B3GALT5: variants seen among roughly 807,000 people sequenced by gnomAD.
B3GALT5 encodes the protein beta-1,3-galactosyltransferase 5, also known as UDP-Gal:betaGlcNAc beta 1,3-galactosyltransferase, polypeptide 5.
For missense variants in B3GALT5, 328 were observed against 396.6 expected (o/e 0.83, Z 1.47); for synonymous variants, 156 against 158.6 (o/e 0.98, Z 0.12).
At chr21:39,648,334 G>A (rs576794026) in intron 2 of B3GALT5, among the ~76,000 whole-genome samples, 36 of 152,262 alleles carry the variant, frequency 2.4e-4, no homozygotes, top group African/African-American at 8.2e-4. Context: ...TCAGCAGGCG[G>A]TAGATTGTAG....
intron 1 of B3GALT5, among the ~76,000 whole-genome samples, chr21:39,614,160 T>C (rs1250692190): frequency 6.6e-6 from 1 of 152,204 alleles, no homozygotes; most frequent in Non-Finnish European, 1.5e-5. Context: ...CATCTTTACA[T>C]GTACCTTTTG....
chr21:39,645,131 C>T (rs1259330105), intron 1 of B3GALT5, among the ~76,000 whole-genome samples: 1 of 152,264 alleles, frequency 6.6e-6, no homozygotes, highest in East Asian at 1.9e-4. Context: ...TATCTACTCA[C>T]CCTGCTGCTG....
chr21:39,620,670 C>T (rs927934662), intron 1 of B3GALT5, among the ~76,000 whole-genome samples: 2 of 152,046 alleles, frequency 1.3e-5, no homozygotes, highest in African/African-American at 4.8e-5. Context: ...TTGTTTAAAG[C>T]AAATGTTGAT....
At chr21:39,656,955 A>G (rs543942715) in intron 2 of B3GALT5, among the ~76,000 whole-genome samples, 1 of 152,362 alleles carries the variant, frequency 6.6e-6, no homozygotes, top group South Asian at 2.1e-4. Context: ...CTTGCCCTTC[A>G]GGCACTATGG....
intron 1 of B3GALT5, among the ~76,000 whole-genome samples, chr21:39,615,441 A>C (rs111422458): frequency 2.0e-5 from 3 of 152,376 alleles, no homozygotes; most frequent in Non-Finnish European, 4.4e-5. Flanking sequence ...TTTGAAAAAC[A>C]AAACAACCGG....
At chr21:39,641,330 GT>G (rs1465901381) in intron 1 of B3GALT5, among the ~76,000 whole-genome samples, 1 of 152,096 alleles carries the variant, frequency 6.6e-6, no homozygotes, top group Non-Finnish European at 1.5e-5. Flanking sequence ...ATGAAAATAA[GT>G]GTCAGTGATG....
At chr21:39,615,302 C>T (rs2079101642) in intron 1 of B3GALT5, among the ~76,000 whole-genome samples, 2 of 152,156 alleles carry the variant, frequency 1.3e-5, no homozygotes, top group Non-Finnish European at 1.5e-5. Context: ...AGTTAACTGA[C>T]CCTGTGTCTG....
rs1454840132 is a variant in B3GALT5 at position 39,665,946 on chromosome 21, A to G, written c.*4454A>G. On this transcript the variant is annotated 3_prime_UTR_variant, in exon 4 of 4. Coordinates refer to ENST00000684187, the MANE Select transcript of B3GALT5 (RefSeq NM_001356336.2). Reference sequence around the variant, plus strand: ...CACTGACGCACCTTGGATTCTTAGCATGGTCCCAGCACATAGTAGATGCTC... The same window carrying G: ...CACTGACGCACCTTGGATTCTTAGCGTGGTCCCAGCACATAGTAGATGCTC... The G allele has an allele frequency of 6.6e-6, 1 of 152,190 alleles. No individual in the cohort carries two copies. The highest frequency in any genetic ancestry group is 2.4e-5 in the African/African-American group (1 of 41,442). The allele number at this position is 152,190 out of a possible 1,614,324, so 9.4% of individuals were successfully genotyped here.
rs762261233 is a variant in B3GALT5, at chr21:39,668,141, A to G, written c.*6649A>G. On this transcript the variant is annotated 3_prime_UTR_variant, in exon 4 of 4. Coordinates refer to ENST00000684187, the MANE Select transcript of B3GALT5 (RefSeq NM_001356336.2). ...GCTTGGTTATTTCCTGATTTGGGGTAAATAGATCCAGAGACCAAGGCTCCA... is the reference window on the plus strand; with the variant it reads ...GCTTGGTTATTTCCTGATTTGGGGTGAATAGATCCAGAGACCAAGGCTCCA... The G allele has an allele frequency of 2.6e-5, 4 of 152,264 alleles. No homozygotes were observed. The highest frequency in any genetic ancestry group is 5.9e-5 in the Non-Finnish European group (4 of 68,094). The allele number at this position is 152,264 out of a possible 1,614,324, so 9.4% of individuals were successfully genotyped here. A position where few individuals can be genotyped will look rare whatever the true frequency, so the allele number is the denominator to read the frequency against.
intron 2 of B3GALT5, among the ~76,000 whole-genome samples, chr21:39,648,171 A>G (rs555055030): frequency 1.3e-5 from 2 of 152,238 alleles, no homozygotes; most frequent in Non-Finnish European, 2.9e-5. Context: ...AAATTGTTCA[A>G]ATAAAATCAT....
chr21:39,658,230 G>A (rs934440738), intron 2 of B3GALT5, among the ~76,000 whole-genome samples: 7 of 151,990 alleles, frequency 4.6e-5, no homozygotes, highest in African/African-American at 1.7e-4. Context: ...AATGACCCCG[G>A]GTCATTTGGG....
At chr21:39,647,037 G>A (rs540407065) in intron 2 of B3GALT5, among the ~76,000 whole-genome samples, 2 of 152,246 alleles carry the variant, frequency 1.3e-5, no homozygotes, top group Admixed American at 6.5e-5. Flanking sequence ...GGAGGTGGAG[G>A]TGGCAGTGAA....
Position 39,654,878 on chromosome 21 carries a change from A to G in B3GALT5, c.-160-4875A>G, listed in dbSNP as rs571718409. Among the ~76,000 whole-genome samples the G allele has an allele frequency of 4.6e-5, 7 of 152,348 alleles. No individual in the cohort carries two copies. The South Asian group carries it at 1.0e-3, about 23-fold the overall frequency. ...TATGTTATTTTTTAGGCATAATGCT[A>G]TTATGCATTTAATAGACTCCAGTAT... On this transcript the variant is annotated intron_variant, in intron 2 of 3. Transcript: ENST00000684187.
intron 1 of B3GALT5, among the ~76,000 whole-genome samples, chr21:39,632,416 T>C (rs1341643612): frequency 1.3e-5 from 2 of 152,036 alleles, no homozygotes; most frequent in Admixed American, 6.5e-5. Flanking sequence ...ATGGATGAAG[T>C]GGTGCGAGTG....
chr21:39,655,954 C>T (rs1040214662), intron 2 of B3GALT5, among the ~76,000 whole-genome samples: 1 of 152,194 alleles, frequency 6.6e-6, no homozygotes, highest in Non-Finnish European at 1.5e-5. Context: ...TTAAGGTGGG[C>T]ACAGTGGTCT....
At chr21:39,647,041 C>T (rs2079346879) in intron 2 of B3GALT5, among the ~76,000 whole-genome samples, 1 of 152,044 alleles carries the variant, frequency 6.6e-6, no homozygotes, top group South Asian at 2.1e-4. Flanking sequence ...GTGGAGGTGG[C>T]AGTGAACCAA....
chr21:39,626,128 T>C (rs1281098135), intron 1 of B3GALT5, among the ~76,000 whole-genome samples: 1 of 152,196 alleles, frequency 6.6e-6, no homozygotes, highest in Non-Finnish European at 1.5e-5. Flanking sequence ...CTATTTCCTG[T>C]TTCTATGGAT....
At chr21:39,639,331 TTTCTTTCTTTCTTTCTTTCC>T (rs1451253590) in intron 1 of B3GALT5, among the ~76,000 whole-genome samples, 6 of 120,092 alleles carry the variant, frequency 5.0e-5, no homozygotes, top group Admixed American at 8.9e-5. Flanking sequence ...TCTTTCTTTC[TTTCTTTCTTTCTTTCTTTCC>T]TTCCTTCCTT....
intron 1 of B3GALT5, among the ~76,000 whole-genome samples, chr21:39,617,383 T>C (rs2079112195): frequency 1.3e-5 from 2 of 152,194 alleles, no homozygotes; most frequent in South Asian, 4.1e-4. Flanking sequence ...TGATTCACAG[T>C]TCTGCATGGC....
Sources: gnomAD v4.1 joint callset for allele counts (sites outside exome capture counted in the v4.1 genomes callset) on GRCh38, gnomAD v4.1.1 for gene constraint, MANE v1.5 for transcripts, NCBI Gene and HGNC (gene_info 2026-07-23, HGNC 2026-07-21) for gene names.